The following FBXL4 variants were observed in gnomAD, a reference collection of about 807,000 sequenced individuals.
FBXL4 encodes F-box/LRR-repeat protein 4.
A neutral mutation model predicts 58.9 loss-of-function variants in FBXL4; 40 were observed. The observed-to-expected ratio is 0.68, with a 90% confidence interval of 0.53 to 0.88. The LOEUF (loss-of-function observed/expected upper bound fraction) is 0.88, where lower values mean the gene tolerates loss of function less well. Among genes scored for constraint, FBXL4 ranks in the 40% least tolerant of loss-of-function variants. FBXL4 has a pLI of 0.00. For synonymous variants in FBXL4, 263 were observed against 265.5 expected, an observed-to-expected ratio of 0.99 and a Z score of 0.09; for missense variants, 676 against 734.4, an observed-to-expected ratio of 0.92 and a Z score of 0.92.
At chr6:98,943,814 T>A (rs1409250218) in intron 1 of FBXL4, among the ~76,000 whole-genome samples, 3 of 152,028 alleles carry the variant, frequency 2.0e-5, no homozygotes, top group Non-Finnish European at 4.4e-5. Context: ...CAATGTAGAC[T>A]CCCAGCCAAA....
At chr6:98,905,171 C>A (rs576046940) in intron 6 of FBXL4, among the ~76,000 whole-genome samples, 1 of 152,266 alleles carries the variant, frequency 6.6e-6, no homozygotes, top group South Asian at 2.1e-4. Context: ...CTGAAAGTTA[C>A]TTGGGATTTA....
Position 98,870,643 on chromosome 6 carries a change from C to T in FBXL4, c.*3635G>A, listed in dbSNP as rs11154582. On this transcript the variant is annotated 3_prime_UTR_variant, in exon 10 of 10. Transcript: ENST00000369244. The stretch of plus-strand genomic sequence containing the variant: ...TAAATTTTTTATTACTAGTGCTTAC[C>T]CATAACATCAAAACAAGAGAAAAAA... 6.6e-6 allele frequency: 1 copy of T among 151,818 alleles called. No individual in the cohort carries two copies. The highest frequency in any genetic ancestry group is 2.4e-5 in the African/African-American group (1 of 41,294). The allele number at this position is 151,818 out of a possible 1,614,324, so 9.4% of individuals were successfully genotyped here. A position where few individuals can be genotyped will look rare whatever the true frequency, so the allele number is the denominator to read the frequency against.
chr6:98,879,942 CAAAAA>C (rs57952065), intron 8 of FBXL4, among the ~76,000 whole-genome samples: 5 of 62,568 alleles, frequency 8.0e-5, no homozygotes, highest in African/African-American at 2.6e-4. Flanking sequence ...GACTCCATCT[CAAAAA>C]AAAAAAAAAA....
At chr6:98,877,366 G>A (rs1023011085) in intron 8 of FBXL4, among the ~76,000 whole-genome samples, 3 of 152,086 alleles carry the variant, frequency 2.0e-5, no homozygotes, top group African/African-American at 7.2e-5. Context: ...GATTCTGACT[G>A]TGCCCAATTT....
Position 98,917,715 on chromosome 6 carries a change from C to T in FBXL4, c.517G>A (p.Glu173Lys). ...SPNPPAEVRW[E>K]ILWSERPTKV... ...GTAGGTCTCTCTGACCAAAGAATCT[C>T]CCATCTGCCAAAAAAAGAAACTTCC... The change falls in exon 5 of 10, where the codon GAG becomes AAG. Residue 173 changes from glutamate to lysine, a missense_variant. Coordinates refer to ENST00000369244, the MANE Select transcript of FBXL4 (RefSeq NM_001278716.2). 1 of 1,585,622 alleles carries T rather than the reference C, an allele frequency of 6.3e-7. No homozygotes were observed.
At chr6:98,905,332 A>G in intron 6 of FBXL4, 94 bp downstream of exon 6, 1 of 1,367,248 alleles carries the variant, frequency 7.3e-7, no homozygotes, top group Non-Finnish European at 1.0e-6. Context: ...AGTACATGTT[A>G]CATAATTTCA....
intron 5 of FBXL4, among the ~76,000 whole-genome samples, chr6:98,913,731 C>T (rs1476471878): frequency 6.6e-6 from 1 of 152,160 alleles, no homozygotes; most frequent in African/African-American, 2.4e-5. Context: ...CTAAAATTGA[C>T]ACCCTAACAT....
rs1770881824 is a variant in FBXL4, at chr6:98,882,296, C to T, written c.1318-1672G>A. Among the ~76,000 whole-genome samples, 3 of 151,910 alleles carry T rather than the reference C, an allele frequency of 2.0e-5. No homozygotes were observed. The South Asian group carries it at 6.2e-4, about 32-fold the overall frequency. On this transcript the variant is annotated intron_variant, in intron 7 of 9. Transcript: ENST00000369244. ...TATGGCTCCATCCATTCACATACTTCCTCAGAGGTAAACTTTATCATGACT... is the reference window on the plus strand; with the variant it reads ...TATGGCTCCATCCATTCACATACTTTCTCAGAGGTAAACTTTATCATGACT...
In FBXL4 at chr6:98,868,569, A is replaced by T. The variant is rs934127368; in HGVS notation, c.*5709T>A. The stretch of plus-strand genomic sequence containing the variant: ...ACTCAAACTTATTTTATTACTCTAA[A>T]GTACAGAATACAAACAACAGAAATC... On this transcript the variant is annotated 3_prime_UTR_variant, in exon 10 of 10. Transcript: ENST00000369244. The T allele has an allele frequency of 2.6e-5, 4 of 152,100 alleles. No individual in the cohort carries two copies. Among genetic ancestry groups the T allele is most frequent in the African/African-American group, 9.7e-5 (4 of 41,432 alleles). The allele number at this position is 152,100 out of a possible 1,614,324, so 9.4% of individuals were successfully genotyped here.
At chr6:98,922,573 T>C (rs1772624866) in intron 4 of FBXL4, among the ~76,000 whole-genome samples, 1 of 152,188 alleles carries the variant, frequency 6.6e-6, no homozygotes, top group Non-Finnish European at 1.5e-5. Flanking sequence ...ATCACACATA[T>C]ATGTTCTTAT....
At chr6:98,930,348 G>A (rs1331844244) in intron 2 of FBXL4, among the ~76,000 whole-genome samples, 3 of 152,306 alleles carry the variant, frequency 2.0e-5, no homozygotes, top group South Asian at 4.1e-4. Context: ...TGAGCCCGCC[G>A]GGGCGGAAGT....
intron 6 of FBXL4, among the ~76,000 whole-genome samples, chr6:98,900,977 T>C (rs1398851538): frequency 6.6e-6 from 1 of 152,124 alleles, no homozygotes; most frequent in African/African-American, 2.4e-5. Flanking sequence ...AGCACATTCA[T>C]TCATTCATTC....
chr6:98,875,418 A>G lies in FBXL4; in HGVS notation c.1699T>C (p.Leu567=), dbSNP rs183776114. Residue 567 remains leucine, a synonymous_variant, in exon 9 of 10, where the codon TTA becomes CTA. Coordinates refer to ENST00000369244, the MANE Select transcript of FBXL4 (RefSeq NM_001278716.2). ...AATTTATATATTGTAACCTTACCTA[A>G]TATGTCCAGCTGCTGTAACCTGGTA... ...NCTRLQQLDI[L]GTRMVSPASL... The G allele has an allele frequency of 3.1e-5, 50 of 1,613,682 alleles. No individual in the cohort carries two copies. Among genetic ancestry groups the G allele is most frequent in the South Asian group, 3.1e-4 (28 of 91,074 alleles).
intron 8 of FBXL4, among the ~76,000 whole-genome samples, chr6:98,879,453 A>T (rs1770768229): frequency 6.6e-6 from 1 of 152,210 alleles, no homozygotes; most frequent in South Asian, 2.1e-4. Context: ...ACACATGCAC[A>T]CCTTCTCCAC....
At chr6:98,933,727 A>G (rs1224568962) in intron 2 of FBXL4, among the ~76,000 whole-genome samples, 1 of 152,224 alleles carries the variant, frequency 6.6e-6, no homozygotes, top group Non-Finnish European at 1.5e-5. Flanking sequence ...CTTAGAGTCT[A>G]GCACATGCCA....
Position 98,915,338 on chromosome 6 carries a change from AC to A in FBXL4, c.858+2035del, listed in dbSNP as rs1331751750. Reference sequence around the variant, plus strand: ...AAACTACTTTAAAGTTCATATGGAAACAAAAAAGAGCCCACATCACCAAGTC... The same window carrying A: ...AAACTACTTTAAAGTTCATATGGAAAAAAAAAGAGCCCACATCACCAAGTC... On this transcript the variant is annotated intron_variant, in intron 5 of 9. Coordinates refer to ENST00000369244, the MANE Select transcript of FBXL4 (RefSeq NM_001278716.2). Among the ~76,000 whole-genome samples, 5 of 152,050 alleles carry A rather than the reference AC, an allele frequency of 3.3e-5. 1 individual carries two copies. The highest frequency in any genetic ancestry group is 9.6e-5 in the African/African-American group (4 of 41,482).
intron 8 of FBXL4, among the ~76,000 whole-genome samples, chr6:98,876,169 T>A: frequency 6.6e-6 from 1 of 152,288 alleles, no homozygotes; most frequent in East Asian, 1.9e-4. Flanking sequence ...TAAAACACTA[T>A]GTGGAAATGC....
chr6:98,935,474 C>T (rs1773177602), intron 1 of FBXL4, among the ~76,000 whole-genome samples: 1 of 151,966 alleles, frequency 6.6e-6, no homozygotes, highest in Non-Finnish European at 1.5e-5. Context: ...CCTTTTTCTT[C>T]AGTGTTTAAC....
chr6:98,913,453 G>A (rs1193302485), intron 5 of FBXL4, among the ~76,000 whole-genome samples: 1 of 151,576 alleles, frequency 6.6e-6, no homozygotes, highest in Non-Finnish European at 1.5e-5. Context: ...AAATGTAAAA[G>A]AACAGAACTG....
Sources: gnomAD v4.1 joint callset for allele counts (sites outside exome capture counted in the v4.1 genomes callset) on GRCh38, gnomAD v4.1.1 for gene constraint, MANE v1.5 for transcripts, NCBI Gene and HGNC (gene_info 2026-07-23, HGNC 2026-07-21) for gene names.